OTOG: variants seen among roughly 807,000 people sequenced by gnomAD.
OTOG encodes the protein otogelin.
Under a neutral mutation model 313.8 loss-of-function variants are expected in OTOG, and 296 were observed. The ratio of observed to expected loss-of-function variants is 0.94; its 90% CI spans 0.86 to 1.04. OTOG has a LOEUF of 1.04. OTOG is among the 50% of genes least tolerant of loss of function. The pLI is 0.00. For missense variants in OTOG, 3,948 were observed against 3,840.1 expected, an observed-to-expected ratio of 1.03 and a Z score of -0.74; for synonymous variants, 1,533 against 1,554.9, an observed-to-expected ratio of 0.99 and a Z score of 0.33.
chr11:17,606,202 T>C, intron 33 of OTOG, 67 bp downstream of exon 33: 1 of 1,454,104 alleles, frequency 6.9e-7, no homozygotes, highest in Non-Finnish European at 9.1e-7. Flanking sequence ...TCCCACCCTG[T>C]CCCCACTTCA....
In OTOG at chr11:17,594,130, C is replaced by A. The variant is rs891443825; in HGVS notation, c.3372C>A (p.Asn1124Lys). Reference sequence around the variant, plus strand: ...CCCCGGAGAACCTAGAGCTAACTAACCCCCAGGAGTTTGGCAGCAGTTGGG... The same window carrying A: ...CCCCGGAGAACCTAGAGCTAACTAAACCCCAGGAGTTTGGCAGCAGTTGGG... The part of the protein sequence containing the change: ...MRTPENLELT[N>K]PQEFGSSWAA... Residue 1124 changes from asparagine to lysine, a missense_variant, in exon 28 of 56, where the codon AAC (asparagine) becomes AAA (lysine). By Grantham distance (94) the Asn-to-Lys change is moderately conservative. Transcript: ENST00000399397. 6.4e-7 allele frequency: 1 copy of A among 1,550,480 alleles called. No individual in the cohort carries two copies. The highest frequency in any genetic ancestry group is 8.7e-7 in the Non-Finnish European group (1 of 1,146,996).
At chr11:17,586,414 C>A in intron 23 of OTOG, 60 bp from the exon 24 acceptor site, 1 of 1,082,472 alleles carries the variant, frequency 9.2e-7, no homozygotes. Flanking sequence ...CAGGGTCCTC[C>A]ACAGATGGCA....
At chr11:17,551,013 C>T (rs1262885001) in intron 3 of OTOG, among the ~76,000 whole-genome samples, 2 of 152,220 alleles carry the variant, frequency 1.3e-5, no homozygotes, top group Non-Finnish European at 2.9e-5. Flanking sequence ...TGCTGGATGA[C>T]AATGAGGGAG....
At chr11:17,573,788 C>T (rs970220004) in intron 19 of OTOG, among the ~76,000 whole-genome samples, 3 of 152,238 alleles carry the variant, frequency 2.0e-5, no homozygotes, top group African/African-American at 7.2e-5. Flanking sequence ...TCTCAGTAAG[C>T]TTTTAGCAAA....
chr11:17,578,108 G>T (rs1457497627), intron 22 of OTOG, among the ~76,000 whole-genome samples: 1 of 152,154 alleles, frequency 6.6e-6, no homozygotes, highest in East Asian at 1.9e-4. Context: ...ATATGATGAT[G>T]CAGGGGAAGC....
chr11:17,581,841 G>C (rs944010081), intron 23 of OTOG, among the ~76,000 whole-genome samples: 3 of 152,104 alleles, frequency 2.0e-5, no homozygotes, highest in Non-Finnish European at 4.4e-5. Flanking sequence ...CTTTCCAGCC[G>C]GTTCCGCCCC....
chr11:17,550,793 C>T (rs1395940743), intron 3 of OTOG, among the ~76,000 whole-genome samples: 1 of 152,192 alleles, frequency 6.6e-6, no homozygotes, highest in Non-Finnish European at 1.5e-5. Context: ...GCTGGGTCGA[C>T]TGGGTAAGGA....
rs876657657 is a variant in OTOG at position 17,553,476 on chromosome 11, TG to T, written c.499del (p.Val167TrpfsTer53). ...YYLSGKGSYTLVGRHEPEGQS... is the reference protein window; with the variant it reads ...YYLSGKGSYTXVGRHEPEGQS... ...CTCTCCGGAAAGGGCAGCTACACCC[TG>T]GTGGGTCGCCATGAGCCCGAGGGAC... is the stretch of plus-strand genomic sequence containing the variant. On this transcript the variant is annotated frameshift_variant, in exon 6 of 56. Transcript: ENST00000399397. LOFTEE classifies it high-confidence loss of function. 6.4e-5 allele frequency: 94 copies of T among 1,458,130 alleles called. No individual in the cohort carries two copies. In the African/African-American group the frequency reaches 1.3e-3, roughly 20 times the overall value. The allele number at this position is 1,458,130 out of a possible 1,614,324, so 90.3% of individuals were successfully genotyped here. A position where few individuals can be genotyped will look rare whatever the true frequency, so the allele number is the denominator to read the frequency against.
Position 17,642,123 on chromosome 11 carries a change from C to G in OTOG, c.8296-4C>G. ...CTCCCATTACCTACTTCTGTGCCCT[C>G]CAGCCCGGGGCATCCTGGATCGCAG... On this transcript the variant is annotated splice_region_variant and splice_polypyrimidine_tract_variant and intron_variant, in intron 52 of 55. Transcript: ENST00000399397. The G allele has an allele frequency of 6.5e-7, 1 of 1,540,272 alleles. No homozygotes were observed. The highest frequency in any genetic ancestry group is 1.2e-5 in the South Asian group (1 of 82,296).
In OTOG at chr11:17,602,868, C is replaced by T. The variant is rs7129907; in HGVS notation, c.3877+491C>T. ...AAGGTCCCTGCCCATCAGAAGCCCA[C>T]AGTCCCATCGAGGAGACAGACGTGC... is the stretch of plus-strand genomic sequence containing the variant. On this transcript the variant is annotated intron_variant, in intron 32 of 55. Coordinates refer to ENST00000399397, the MANE Select transcript of OTOG (RefSeq NM_001292063.2). 1.7e-3 allele frequency among the ~76,000 whole-genome samples: 260 copies of T among 152,330 alleles called. 1 individual carries two copies. The highest frequency in any genetic ancestry group is 5.2e-3 in the African/African-American group (217 of 41,572).
chr11:17,547,459 G>A lies in OTOG; in HGVS notation c.87G>A (p.Gln29=). 7.3e-7 allele frequency: 1 copy of A among 1,372,528 alleles called. No homozygotes were observed. The highest frequency in any genetic ancestry group is 9.4e-7 in the Non-Finnish European group (1 of 1,068,126). 85.0% of individuals were successfully genotyped at this position (1,372,528 alleles called of 1,614,324 possible). Reference sequence around the variant, plus strand: ...AGGCAGCCGAGTCCCTGCGGGTGCAGCGCCTCGGTGAGAGGGTTGTGGACT... The same window carrying A: ...AGGCAGCCGAGTCCCTGCGGGTGCAACGCCTCGGTGAGAGGGTTGTGGACT... The part of the protein sequence containing the change: ...GEQAAESLRV[Q]RLAAAPVLWG... The change falls in exon 1 of 56, where the codon CAG becomes CAA. Residue 29 remains glutamine, a synonymous_variant. Coordinates refer to ENST00000399397, the MANE Select transcript of OTOG (RefSeq NM_001292063.2).
chr11:17,601,348 G>A (rs183606591), intron 31 of OTOG, among the ~76,000 whole-genome samples: 7 of 152,136 alleles, frequency 4.6e-5, no homozygotes, highest in South Asian at 4.2e-4. Flanking sequence ...TTGAGTAGGC[G>A]TTTGTCAGGC....
At chr11:17,555,494 C>T (rs1423821683) in intron 6 of OTOG, among the ~76,000 whole-genome samples, 3 of 152,092 alleles carry the variant, frequency 2.0e-5, no homozygotes, top group East Asian at 1.9e-4. Context: ...ACGGAGATGG[C>T]ATGATTGACT....
chr11:17,593,875 C>CCGCCCTG (rs1168138394), intron 27 of OTOG, 119 bp downstream of exon 27: 43 of 1,414,992 alleles, frequency 3.0e-5, no homozygotes, highest in Non-Finnish European at 3.8e-6. Context: ...GTTCTCTCCT[C>CCGCCCTG]CGCCCTGCTC....
chr11:17,570,504 G>A, intron 17 of OTOG, 114 bp downstream of exon 17: 2 of 969,240 alleles, frequency 2.1e-6, no homozygotes, highest in African/African-American at 3.3e-5. Context: ...TGCCCAGCAT[G>A]CACCATTAGT....
intron 48 of OTOG, chr11:17,639,041 A>G: frequency 3.1e-6 from 1 of 318,588 alleles, no homozygotes; most frequent in Non-Finnish European, 6.0e-6. Context: ...CGACAGAGTG[A>G]GACTCCATCT....
At chr11:17,642,391 CTCTCTGCATT>C (rs1847995737) in intron 53 of OTOG, 145 bp downstream of exon 53, 1 of 1,159,568 alleles carries the variant, frequency 8.6e-7, no homozygotes, top group South Asian at 1.8e-5. Context: ...ATCCATATGT[CTCTCTGCATT>C]TCTTTTTGCC....
At chr11:17,643,034 C>G (rs1041477613) in intron 53 of OTOG, among the ~76,000 whole-genome samples, 3 of 152,226 alleles carry the variant, frequency 2.0e-5, no homozygotes, top group Middle Eastern at 3.2e-3. Context: ...ATACTTGCCC[C>G]CATTTTAGAG....
Position 17,573,307 on chromosome 11 carries a change from T to A in OTOG, c.2293+17T>A. The A allele has an allele frequency of 6.6e-7, 1 of 1,506,992 alleles. No homozygotes were observed. Among genetic ancestry groups the A allele is most frequent in the African/African-American group, 1.4e-5 (1 of 72,574 alleles). 93.4% of individuals were successfully genotyped at this position (1,506,992 alleles called of 1,614,324 possible). ...CAGCCTGTGGTGAGTGCCCCACCCA[T>A]GTGAGGCTGAGCTGGAGGAGCCAGA... On this transcript the variant is annotated intron_variant, in intron 19 of 55. Coordinates refer to ENST00000399397, the MANE Select transcript of OTOG (RefSeq NM_001292063.2).
Sources: gnomAD v4.1 joint callset for allele counts (sites outside exome capture counted in the v4.1 genomes callset) on GRCh38, gnomAD v4.1.1 for gene constraint, MANE v1.5 for transcripts, NCBI Gene and HGNC (gene_info 2026-07-23, HGNC 2026-07-21) for gene names.